The following LRP1B variants were observed in gnomAD, a reference collection of about 807,000 sequenced individuals.
The protein encoded by LRP1B is low-density lipoprotein receptor-related protein 1B.
LRP1B carries 217 observed loss-of-function variants against 556.6 expected under a neutral mutation model. The ratio of observed to expected loss-of-function variants is 0.39; its 90% CI spans 0.35 to 0.44. LRP1B has a LOEUF of 0.44. Among genes scored for constraint, LRP1B ranks in the 20% least tolerant of loss-of-function variants. LRP1B has a pLI of 1.00. For missense variants in LRP1B, 5,053 were observed against 5,620.8 expected, an observed-to-expected ratio of 0.90 and a Z score of 3.23; for synonymous variants, 2,047 against 1,865.8, an observed-to-expected ratio of 1.10 and a Z score of -2.50.
chr2:141,007,190 G>A (rs1162009207), intron 14 of LRP1B, among the ~76,000 whole-genome samples: 1 of 151,796 alleles, frequency 6.6e-6, no homozygotes, highest in East Asian at 1.9e-4. Flanking sequence ...TGACAGACTA[G>A]GTTATTATAC....
intron 13 of LRP1B, 140 bp from the exon 14 acceptor site, chr2:141,013,885 A>AG: frequency 2.0e-6 from 1 of 505,626 alleles, no homozygotes; most frequent in Non-Finnish European, 3.2e-6. Context: ...GATTTAAAAA[A>AG]TGGATTTCAC....
chr2:141,228,241 A>AT (rs776674359), intron 6 of LRP1B, among the ~76,000 whole-genome samples: 9 of 152,194 alleles, frequency 5.9e-5, no homozygotes, highest in Non-Finnish European at 1.3e-4. Flanking sequence ...TTTTAGCCGA[A>AT]TTTGTAAGAA....
At chr2:140,855,171 C>T (rs958589631) in intron 27 of LRP1B, among the ~76,000 whole-genome samples, 1 of 151,928 alleles carries the variant, frequency 6.6e-6, no homozygotes, top group Admixed American at 6.6e-5. Flanking sequence ...GTTCTTACCC[C>T]AAGGTGCTTA....
intron 2 of LRP1B, among the ~76,000 whole-genome samples, chr2:141,572,505 A>T (rs1230365988): frequency 2.0e-5 from 3 of 152,196 alleles, no homozygotes; most frequent in Non-Finnish European, 4.4e-5. Context: ...CAATGACACT[A>T]TGAAGAAACT....
chr2:141,081,073 T>G (rs1699910281), intron 7 of LRP1B, among the ~76,000 whole-genome samples: 1 of 152,138 alleles, frequency 6.6e-6, no homozygotes, highest in Non-Finnish European at 1.5e-5. Context: ...GCTCAAGCAC[T>G]CCTCCTGTCT....
chr2:141,138,400 G>A (rs1052876699), intron 7 of LRP1B, among the ~76,000 whole-genome samples: 6 of 151,836 alleles, frequency 4.0e-5, no homozygotes, highest in Non-Finnish European at 8.8e-5. Context: ...ATTCAATACA[G>A]TACTTGAAAC....
At chr2:140,496,892 A>AATTTATTTATTT (rs141106287) in intron 55 of LRP1B, among the ~76,000 whole-genome samples, 1 of 147,090 alleles carries the variant, frequency 6.8e-6, no homozygotes, top group African/African-American at 2.5e-5. Context: ...ATTTGGATAA[A>AATTTATTTATTT]ATTTATTTAT....
intron 1 of LRP1B, among the ~76,000 whole-genome samples, chr2:141,906,506 T>C (rs1310838173): frequency 6.6e-6 from 1 of 152,036 alleles, no homozygotes; most frequent in Non-Finnish European, 1.5e-5. Flanking sequence ...CAAGTTTTTT[T>C]ATCTTAATTG....
chr2:140,332,701 G>C (rs966953166), intron 79 of LRP1B, among the ~76,000 whole-genome samples: 2 of 151,898 alleles, frequency 1.3e-5, no homozygotes, highest in African/African-American at 2.4e-5. Flanking sequence ...GACTAGCCTC[G>C]ACCTGAAACA....
At chr2:140,405,602 G>A (rs906154450) in intron 66 of LRP1B, among the ~76,000 whole-genome samples, 1 of 152,196 alleles carries the variant, frequency 6.6e-6, no homozygotes, top group Admixed American at 6.5e-5. Context: ...AAATCTAGAG[G>A]AAATGCATAA....
rs184452765 is a variant in LRP1B, at chr2:140,386,756, G to A, written c.10415-747C>T. Among the ~76,000 whole-genome samples the A allele has an allele frequency of 5.3e-5, 8 of 152,202 alleles. No individual in the cohort carries two copies. In the East Asian group the frequency reaches 5.8e-4, roughly 11 times the overall value. On this transcript the variant is annotated intron_variant, in intron 66 of 90. Transcript: ENST00000389484. ...AGTGTGCTTCTACTCCTGATTTAGC[G>A]CTTTTTACAACAAATGTAACTTACA...
At chr2:140,643,352 A>G (rs1684370893) in intron 41 of LRP1B, among the ~76,000 whole-genome samples, 1 of 152,152 alleles carries the variant, frequency 6.6e-6, no homozygotes, top group African/African-American at 2.4e-5. Flanking sequence ...ATTTCCATCA[A>G]TAAAAAAGAT....
chr2:141,918,071 C>T (rs538873562), intron 1 of LRP1B, among the ~76,000 whole-genome samples: 11 of 152,020 alleles, frequency 7.2e-5, no homozygotes, highest in Middle Eastern at 6.8e-3. Flanking sequence ...AACTGAATTA[C>T]ATACAGTATG....
At chr2:141,935,486 C>T (rs896372286) in intron 1 of LRP1B, among the ~76,000 whole-genome samples, 3 of 152,044 alleles carry the variant, frequency 2.0e-5, no homozygotes, top group Non-Finnish European at 4.4e-5. Context: ...ATTGACAGTA[C>T]AATTTTTAAT....
intron 20 of LRP1B, among the ~76,000 whole-genome samples, chr2:140,929,853 C>T (rs1694998998): frequency 6.6e-6 from 1 of 151,214 alleles, no homozygotes; most frequent in South Asian, 2.1e-4. Flanking sequence ...ATATCTCAAA[C>T]CCATTTCTCA....
intron 1 of LRP1B, among the ~76,000 whole-genome samples, chr2:141,961,341 T>A (rs1246941509): frequency 6.6e-6 from 1 of 151,714 alleles, no homozygotes; most frequent in East Asian, 1.9e-4. Flanking sequence ...CCCCTCATTT[T>A]GATTGTTGGG....
chr2:141,343,309 A>G (rs11889224), intron 3 of LRP1B, among the ~76,000 whole-genome samples: 6,751 of 152,198 alleles, frequency 0.044, 238 homozygotes, highest in African/African-American at 0.082. Context: ...AGCTTCTTGA[A>G]CTTATGGAAT....
chr2:140,642,074 A>T (rs948737089), intron 41 of LRP1B, among the ~76,000 whole-genome samples: 5 of 152,178 alleles, frequency 3.3e-5, no homozygotes, highest in South Asian at 2.1e-4. Flanking sequence ...CTGGACCTTC[A>T]TAGAGGTTTC....
rs796938162 is a variant in LRP1B at position 140,858,707 on chromosome 2, G to T, written c.4580-6924C>A. ...TAGGTTTTAAACCTAGTATCCATTA[G>T]CGATTTTTCCTGATGCTCTCTCTCC... On this transcript the variant is annotated intron_variant, in intron 27 of 90. Transcript: ENST00000389484. Among the ~76,000 whole-genome samples, 14 of 152,098 alleles carry T rather than the reference G, an allele frequency of 9.2e-5. 1 individual carries two copies. The highest frequency in any genetic ancestry group is 3.4e-4 in the African/African-American group (14 of 41,512).
Sources: allele counts gnomAD v4.1 joint callset (sites outside exome capture counted in the v4.1 genomes callset), GRCh38; gene constraint gnomAD v4.1.1; transcripts MANE v1.5; gene names NCBI Gene and HGNC (gene_info 2026-07-23, HGNC 2026-07-21).